YWHAE: variants seen among roughly 807,000 people sequenced by gnomAD.
YWHAE encodes tyrosine 3-monooxygenase/tryptophan 5-monooxygenase activation protein epsilon.
In YWHAE, 4 loss-of-function variants were observed where a neutral mutation model predicts 30.1. The observed-to-expected ratio is 0.13, with a 90% CI of 0.07 to 0.30. The LOEUF (loss-of-function observed/expected upper bound fraction) is 0.30, where lower values mean the gene tolerates loss of function less well. Ranked by LOEUF, YWHAE falls within the 10% of genes least tolerant of loss-of-function variation. The pLI is 1.00. For synonymous variants in YWHAE, 118 were observed against 111.8 expected, an observed-to-expected ratio of 1.06 and a Z score of -0.35; for missense variants, 121 against 315.9, an observed-to-expected ratio of 0.38 and a Z score of 4.68.
At chr17:1,372,118 G>T (rs1164186681) in intron 1 of YWHAE, among the ~76,000 whole-genome samples, 1 of 152,216 alleles carries the variant, frequency 6.6e-6, no homozygotes, top group African/African-American at 2.4e-5. Flanking sequence ...GATTACAGGC[G>T]TGAGCCACCG....
intron 1 of YWHAE, among the ~76,000 whole-genome samples, chr17:1,391,568 T>A (rs1235140255): frequency 3.9e-5 from 6 of 152,232 alleles, no homozygotes; most frequent in Admixed American, 3.9e-4. Flanking sequence ...ATTTAATAAA[T>A]TTAAATGAAC....
chr17:1,360,771 T>A (rs974470161), intron 4 of YWHAE, among the ~76,000 whole-genome samples: 1 of 151,918 alleles, frequency 6.6e-6, no homozygotes, highest in Non-Finnish European at 1.5e-5. Flanking sequence ...GTCTCAAATT[T>A]AAAAAAAGAC....
At chr17:1,377,475 T>C (rs1285750410) in intron 1 of YWHAE, among the ~76,000 whole-genome samples, 9 of 152,228 alleles carry the variant, frequency 5.9e-5, no homozygotes, top group Admixed American at 5.2e-4. Context: ...ACCGGAAATG[T>C]GGCTCACACC....
At chr17:1,398,276 G>T (rs889858444) in intron 1 of YWHAE, among the ~76,000 whole-genome samples, 6 of 151,558 alleles carry the variant, frequency 4.0e-5, no homozygotes, top group Non-Finnish European at 8.8e-5. Context: ...ATATCTCTTT[G>T]ATTTTTAAAC....
intron 4 of YWHAE, among the ~76,000 whole-genome samples, chr17:1,358,280 C>T (rs966736469): frequency 6.6e-6 from 1 of 152,056 alleles, no homozygotes; most frequent in East Asian, 2.0e-4. Flanking sequence ...CGCTCTGTCG[C>T]CCAGGCTGGA....
chr17:1,385,919 AGG>A (rs768492817), intron 1 of YWHAE, among the ~76,000 whole-genome samples: 15 of 152,064 alleles, frequency 9.9e-5, no homozygotes, highest in Non-Finnish European at 1.9e-4. Context: ...TCCACAAAAA[AGG>A]GGGAAAAAAA....
chr17:1,360,797 C>T (rs1186958835), intron 4 of YWHAE, among the ~76,000 whole-genome samples: 1 of 152,024 alleles, frequency 6.6e-6, no homozygotes, highest in African/African-American at 2.4e-5. Context: ...ACTAATATAA[C>T]AAAAATTAAA....
chr17:1,358,965 T>C (rs771553659), intron 4 of YWHAE, among the ~76,000 whole-genome samples: 4 of 148,326 alleles, frequency 2.7e-5, no homozygotes, highest in South Asian at 4.4e-4. Context: ...TGAAACCCCA[T>C]CCCTACTAAA....
chr17:1,367,837 T>G (rs1485846365), intron 1 of YWHAE, among the ~76,000 whole-genome samples: 1 of 152,132 alleles, frequency 6.6e-6, no homozygotes, highest in Non-Finnish European at 1.5e-5. Flanking sequence ...GTTATCAAGG[T>G]ACAGAGGTGA....
At chr17:1,363,334 T>C (rs1023855837) in intron 2 of YWHAE, among the ~76,000 whole-genome samples, 3 of 152,158 alleles carry the variant, frequency 2.0e-5, no homozygotes, top group African/African-American at 7.2e-5. Flanking sequence ...GGCTCGACGT[T>C]GGCTCATTGC....
At chr17:1,382,060 T>C (rs1336969432) in intron 1 of YWHAE, among the ~76,000 whole-genome samples, 10 of 152,142 alleles carry the variant, frequency 6.6e-5, no homozygotes, top group Non-Finnish European at 4.4e-5. Flanking sequence ...TTTTGTTTGT[T>C]TGTTTTGAGA....
At chr17:1,393,619 C>T (rs1254513116) in intron 1 of YWHAE, among the ~76,000 whole-genome samples, 2 of 152,140 alleles carry the variant, frequency 1.3e-5, no homozygotes, top group Admixed American at 6.6e-5. Context: ...TTAGTAGAGA[C>T]TGGTTTTCAC....
rs2072865445 is a variant in YWHAE, at chr17:1,361,564, G to A, written c.372-266C>T. The stretch of plus-strand genomic sequence containing the variant: ...CTAAAAATTAATAAAATTATCACCT[G>A]ATAGACCAGAATTAAACAAGCAAGT... On this transcript the variant is annotated intron_variant, in intron 3 of 5. Transcript: ENST00000264335. 1.1e-5 allele frequency: 5 copies of A among 447,174 alleles called. No homozygotes were observed. The East Asian group carries it at 1.8e-4, about 16-fold the overall frequency. 27.7% of individuals were successfully genotyped at this position (447,174 alleles called of 1,614,324 possible). A position where few individuals can be genotyped will look rare whatever the true frequency, so the allele number is the denominator to read the frequency against.
chr17:1,350,212 A>G (rs1290172133), intron 5 of YWHAE, among the ~76,000 whole-genome samples: 2 of 151,922 alleles, frequency 1.3e-5, no homozygotes, highest in Non-Finnish European at 2.9e-5. Context: ...TCGGCCTCCC[A>G]AAGTGCTGGG....
At chr17:1,354,986 T>TTG (rs2072707416) in intron 4 of YWHAE, among the ~76,000 whole-genome samples, 1 of 100,666 alleles carries the variant, frequency 9.9e-6, no homozygotes, top group Non-Finnish European at 2.0e-5. Context: ...TTTTTTTTTT[T>TTG]TTTTTTTTTT....
intron 1 of YWHAE, among the ~76,000 whole-genome samples, chr17:1,369,930 A>G (rs574107261): frequency 6.6e-6 from 1 of 152,258 alleles, no homozygotes; most frequent in South Asian, 2.1e-4. Context: ...TCAGCAAGTG[A>G]TAATATTTTG....
At chr17:1,368,385 G>GA (rs1013044999) in intron 1 of YWHAE, among the ~76,000 whole-genome samples, 19 of 147,944 alleles carry the variant, frequency 1.3e-4, no homozygotes, top group South Asian at 2.2e-4. Flanking sequence ...TCAAAAAAAG[G>GA]AAAAAAAAAG....
At position 1,358,161 on chromosome 17, in the gene YWHAE, A is replaced by G. The variant is rs2072790306; in HGVS notation, c.578+2931T>C. Reference sequence around the variant, plus strand: ...CTCAGCATTTTGGGAGGCTAAGGCAAGAGGATTACTTGAGGCCAGGATTTC... The same window carrying G: ...CTCAGCATTTTGGGAGGCTAAGGCAGGAGGATTACTTGAGGCCAGGATTTC... On this transcript the variant is annotated intron_variant, in intron 4 of 5. Coordinates refer to ENST00000264335, the MANE Select transcript of YWHAE (RefSeq NM_006761.5). 2.0e-5 allele frequency among the ~76,000 whole-genome samples: 3 copies of G among 152,046 alleles called. No homozygotes were observed. In the South Asian group the frequency reaches 6.2e-4, roughly 32 times the overall value.
chr17:1,364,544 A>T (rs990736917), intron 2 of YWHAE, among the ~76,000 whole-genome samples: 8 of 151,996 alleles, frequency 5.3e-5, no homozygotes, highest in Non-Finnish European at 1.0e-4. Flanking sequence ...ATATTTTTTT[A>T]AAAAACAGTC....
Sources: allele counts gnomAD v4.1 joint callset (sites outside exome capture counted in the v4.1 genomes callset), GRCh38; gene constraint gnomAD v4.1.1; transcripts MANE v1.5; gene names NCBI Gene and HGNC (gene_info 2026-07-23, HGNC 2026-07-21).